Variants in ZNF680 observed in about 807,000 individuals in gnomAD.
The protein encoded by ZNF680 is zinc finger protein 680, also known as hypothetical protein FLJ90430.
In ZNF680, 6 loss-of-function variants were observed where a neutral mutation model predicts 12.1. That is an observed-to-expected ratio of 0.49 (90% confidence interval 0.27 to 0.98). The LOEUF is 0.98. Among genes scored for constraint, ZNF680 ranks in the 50% least tolerant of loss-of-function variants. ZNF680 has a pLI of 0.12. For missense variants in ZNF680, 561 were observed against 616.3 expected, an observed-to-expected ratio of 0.91 and a Z score of 0.95; for synonymous variants, 170 against 199.3, an observed-to-expected ratio of 0.85 and a Z score of 1.24.
rs1791607683 is a variant in ZNF680, at chr7:64,522,613, TA to T, written c.254-114del. The T allele has an allele frequency of 9.4e-6, 8 of 852,902 alleles. No individual in the cohort carries two copies. In the South Asian group the frequency reaches 4.5e-4, roughly 48 times the overall value. The allele number at this position is 852,902 out of a possible 1,614,324, so 52.8% of individuals were successfully genotyped here. A position where few individuals can be genotyped will look rare whatever the true frequency, so the allele number is the denominator to read the frequency against. ...TACATAAGCAAAATACAAAAATAAA[TA>T]ACTAAAAAATCCTAAAAGTTAAAAA... On this transcript the variant is annotated intron_variant, in intron 3 of 3. Transcript: ENST00000309683.
the ZNF680 span, chr7:64,501,319 T>C: frequency 3.3e-6 from 4 of 1,200,788 alleles, no homozygotes; most frequent in Non-Finnish European, 4.9e-6. Context: ...AAACACCTCA[T>C]GAAGGGGCAA....
In ZNF680 at chr7:64,521,065, T is replaced by C. The variant is rs985526737; in HGVS notation, c.*96A>G. On this transcript the variant is annotated 3_prime_UTR_variant, in exon 4 of 4. Coordinates refer to ENST00000309683, the MANE Select transcript of ZNF680 (RefSeq NM_178558.5). The stretch of plus-strand genomic sequence containing the variant: ...TTTCTCCAATATAAATTATCTTACC[T>C]ACAAGCAAGTGTAACAATCATTGGA... 12 of 1,320,024 alleles carry C rather than the reference T, an allele frequency of 9.1e-6. No individual in the cohort carries two copies. The African/African-American group carries it at 1.0e-4, about 11-fold the overall frequency. 81.8% of individuals were successfully genotyped at this position (1,320,024 alleles called of 1,614,324 possible).
At chr7:64,534,231 CCA>C (rs1235232915) in intron 3 of ZNF680, among the ~76,000 whole-genome samples, 6 of 152,052 alleles carry the variant, frequency 3.9e-5, no homozygotes, top group Admixed American at 2.0e-4. Flanking sequence ...AACAGACAAC[CCA>C]CAGAGTGGGA....
intron 3 of ZNF680, among the ~76,000 whole-genome samples, chr7:64,530,873 A>AAAATAATAATAATAATAATAG (rs1277744468): frequency 8.2e-5 from 12 of 145,544 alleles, no homozygotes; most frequent in Non-Finnish European, 1.8e-4. Context: ...AAAAAATTTA[A>AAAATAATAATAATAATAATAG]AAATAATAAT....
At chr7:64,503,378 C>CTTTTTTTTT in the ZNF680 span, among the ~76,000 whole-genome samples, 4 of 89,886 alleles carry the variant, frequency 4.5e-5, no homozygotes, top group Non-Finnish European at 6.2e-5. Context: ...AACTGGAAGG[C>CTTTTTTTTT]TTTTTTTTTT....
the ZNF680 span, chr7:64,501,392 A>T: frequency 8.5e-7 from 1 of 1,174,974 alleles, no homozygotes; most frequent in East Asian, 2.4e-5. Context: ...TTGAAAGGAG[A>T]TGACCTTTAG....
chr7:64,562,101 G>A (rs1396149017), intron 1 of ZNF680, among the ~76,000 whole-genome samples: 5 of 150,978 alleles, frequency 3.3e-5, no homozygotes, highest in African/African-American at 9.8e-5. Context: ...GCATGGTGGC[G>A]GGCGCCTGTA....
At chr7:64,545,033 C>T (rs944141045) in intron 1 of ZNF680, among the ~76,000 whole-genome samples, 1 of 151,818 alleles carries the variant, frequency 6.6e-6, no homozygotes, top group Non-Finnish European at 1.5e-5. Context: ...CCGAGGCAGG[C>T]GGATCACCTG....
At chr7:64,507,543 G>A in the ZNF680 span, among the ~76,000 whole-genome samples, 11,617 of 148,902 alleles carry the variant, frequency 0.078, 897 homozygotes, top group East Asian at 0.36. Context: ...ACGGAGTTTC[G>A]CTCTTGTCAC....
the ZNF680 span, among the ~76,000 whole-genome samples, chr7:64,502,741 T>C: frequency 3.3e-5 from 5 of 151,996 alleles, no homozygotes; most frequent in Non-Finnish European, 7.4e-5. Flanking sequence ...ACGTAAGTTA[T>C]TCTCCTCTCA....
chr7:64,541,813 T>C (rs916785062), intron 3 of ZNF680, among the ~76,000 whole-genome samples: 13 of 152,212 alleles, frequency 8.5e-5, no homozygotes, highest in African/African-American at 1.7e-4. Context: ...CAGCCATTTA[T>C]AGCCACGCAG....
downstream of ZNF680, among the ~76,000 whole-genome samples, chr7:64,514,926 C>T (rs1791315718): frequency 6.6e-6 from 1 of 151,990 alleles, no homozygotes; most frequent in African/African-American, 2.4e-5. Context: ...GCTTGTAATC[C>T]CAGCTACTTG....
chr7:64,501,799 T>C, the ZNF680 span: 1 of 675,974 alleles, frequency 1.5e-6, no homozygotes, highest in Non-Finnish European at 2.7e-6. Context: ...GATCAAATTT[T>C]TTACCAGATC....
intron 3 of ZNF680, among the ~76,000 whole-genome samples, chr7:64,532,776 C>T (rs903408283): frequency 2.0e-5 from 3 of 152,170 alleles, no homozygotes; most frequent in African/African-American, 7.2e-5. Context: ...AAATCCTTAA[C>T]AAAATACCAG....
chr7:64,548,937 A>G (rs1333932751), intron 1 of ZNF680, among the ~76,000 whole-genome samples: 1 of 152,056 alleles, frequency 6.6e-6, no homozygotes, highest in Non-Finnish European at 1.5e-5. Flanking sequence ...CCTGGCCAAC[A>G]TGGTGAAACC....
At chr7:64,545,835 CA>C (rs1451848261) in intron 1 of ZNF680, among the ~76,000 whole-genome samples, 3 of 152,170 alleles carry the variant, frequency 2.0e-5, no homozygotes, top group African/African-American at 7.2e-5. Context: ...GATGGATCCT[CA>C]ACATTACATG....
intron 1 of ZNF680, among the ~76,000 whole-genome samples, chr7:64,556,617 T>TA (rs148018547): frequency 1.2e-4 from 18 of 149,164 alleles, no homozygotes; most frequent in African/African-American, 2.7e-4. Context: ...TTACACCATA[T>TA]AAAAAAAAAA....
At chr7:64,535,207 T>C (rs949961672) in intron 3 of ZNF680, among the ~76,000 whole-genome samples, 1 of 151,940 alleles carries the variant, frequency 6.6e-6, no homozygotes, top group Non-Finnish European at 1.5e-5. Context: ...CTATCAAAAA[T>C]ACAAAAAAAC....
chr7:64,518,781 G>C (rs1278043116), downstream of ZNF680, among the ~76,000 whole-genome samples: 1 of 151,860 alleles, frequency 6.6e-6, no homozygotes, highest in Admixed American at 6.6e-5. Flanking sequence ...GGGATGTTTA[G>C]CAAGCCACAT....
Sources: gnomAD v4.1 joint callset for allele counts (sites outside exome capture counted in the v4.1 genomes callset) on GRCh38, gnomAD v4.1.1 for gene constraint, MANE v1.5 for transcripts, NCBI Gene and HGNC (gene_info 2026-07-23, HGNC 2026-07-21) for gene names.